Variants in SCFD2 observed in about 807,000 individuals in gnomAD.
SCFD2 encodes sec1 family domain containing 2, also known as sec1 family domain-containing protein 2.
SCFD2 carries 54 observed loss-of-function variants against 58.9 expected under a neutral mutation model. The observed-to-expected ratio is 0.92, with a 90% CI of 0.74 to 1.15. The LOEUF (loss-of-function observed/expected upper bound fraction) is 1.15. SCFD2 is among the 50% of genes most tolerant of loss of function. The probability of loss-of-function intolerance (pLI) is 0.00; values close to 1 mark genes in which losing one functional copy is unlikely to be tolerated. For missense variants in SCFD2, 805 were observed against 836.6 expected, an observed-to-expected ratio of 0.96 and a Z score of 0.47; for synonymous variants, 321 against 335.9, an observed-to-expected ratio of 0.96 and a Z score of 0.49.
In SCFD2 at chr4:52,920,879, A is replaced by C. The variant is rs1418912476; in HGVS notation, c.1562-9T>G. The stretch of plus-strand genomic sequence containing the variant: ...AATTGAAGAGTCCCAGTCTGAAAAA[A>C]TCCAGAGATATTTTCTTGAGTGAGT... On this transcript the variant is annotated splice_polypyrimidine_tract_variant and intron_variant, in intron 5 of 8. Coordinates refer to ENST00000401642, the MANE Select transcript of SCFD2 (RefSeq NM_152540.4). 1 of 1,588,470 alleles carries C rather than the reference A, an allele frequency of 6.3e-7. No homozygotes were observed. Among genetic ancestry groups the C allele is most frequent in the Non-Finnish European group, 8.6e-7 (1 of 1,167,096 alleles).
intron 2 of SCFD2, among the ~76,000 whole-genome samples, chr4:53,330,160 G>C (rs1733387484): frequency 6.6e-6 from 1 of 152,150 alleles, no homozygotes; most frequent in Admixed American, 6.5e-5. Flanking sequence ...AACCAAGTTG[G>C]AAAACACGCT....
At chr4:53,090,086 G>C (rs913443345) in intron 5 of SCFD2, among the ~76,000 whole-genome samples, 1 of 152,194 alleles carries the variant, frequency 6.6e-6, no homozygotes, top group African/African-American at 2.4e-5. Flanking sequence ...ACAAGCTGGA[G>C]AAGCTTTTGA....
intron 5 of SCFD2, among the ~76,000 whole-genome samples, chr4:53,130,180 T>C (rs1209349413): frequency 6.6e-6 from 1 of 152,156 alleles, no homozygotes; most frequent in African/African-American, 2.4e-5. Flanking sequence ...AAAAATCCAA[T>C]TATAAATAAT....
At chr4:53,240,972 G>C (rs1300333590) in intron 4 of SCFD2, among the ~76,000 whole-genome samples, 1 of 152,234 alleles carries the variant, frequency 6.6e-6, no homozygotes, top group African/African-American at 2.4e-5. Flanking sequence ...CAGATCTTCA[G>C]AGGGAAGGCA....
At chr4:53,251,041 C>A (rs553443101) in intron 4 of SCFD2, among the ~76,000 whole-genome samples, 1 of 152,082 alleles carries the variant, frequency 6.6e-6, no homozygotes, top group African/African-American at 2.4e-5. Context: ...TAAAAAATGA[C>A]AATGGGGATA....
intron 4 of SCFD2, among the ~76,000 whole-genome samples, chr4:53,185,215 C>T (rs978917856): frequency 6.6e-6 from 1 of 152,000 alleles, no homozygotes; most frequent in African/African-American, 2.4e-5. Flanking sequence ...AACTGTATAG[C>T]AACCATAATC....
At chr4:53,109,075 C>A (rs1331945270) in intron 5 of SCFD2, among the ~76,000 whole-genome samples, 1 of 152,032 alleles carries the variant, frequency 6.6e-6, no homozygotes, top group Non-Finnish European at 1.5e-5. Flanking sequence ...TGCAAATCAA[C>A]AAATGTAATC....
intron 5 of SCFD2, among the ~76,000 whole-genome samples, chr4:53,050,258 A>C (rs1723153867): frequency 6.6e-6 from 1 of 152,196 alleles, no homozygotes; most frequent in African/African-American, 2.4e-5. Flanking sequence ...ATGGTGGACA[A>C]ATGAGGTGTT....
At chr4:53,211,628 T>C (rs1233897393) in intron 4 of SCFD2, among the ~76,000 whole-genome samples, 3 of 152,058 alleles carry the variant, frequency 2.0e-5, no homozygotes, top group African/African-American at 7.3e-5. Context: ...GGGTAGATAG[T>C]GTTGGCACCA....
intron 5 of SCFD2, among the ~76,000 whole-genome samples, chr4:52,971,504 T>A (rs1721100185): frequency 6.6e-6 from 1 of 152,042 alleles, no homozygotes; most frequent in African/African-American, 2.4e-5. Context: ...CTCCAAGAAA[T>A]ATGGGACTAT....
chr4:52,990,369 A>G (rs1721590438), intron 5 of SCFD2, among the ~76,000 whole-genome samples: 1 of 152,198 alleles, frequency 6.6e-6, no homozygotes, highest in Non-Finnish European at 1.5e-5. Context: ...ATTGCTAGAA[A>G]TTTACAATGT....
At chr4:53,124,738 A>G (rs1725576142) in intron 5 of SCFD2, among the ~76,000 whole-genome samples, 1 of 152,192 alleles carries the variant, frequency 6.6e-6, no homozygotes, top group African/African-American at 2.4e-5. Context: ...CATTGAGTTT[A>G]AACCAAATCA....
intron 1 of SCFD2, among the ~76,000 whole-genome samples, chr4:53,360,114 C>T (rs955565921): frequency 6.6e-6 from 1 of 152,164 alleles, no homozygotes; most frequent in African/African-American, 2.4e-5. Flanking sequence ...AGAAGTACTT[C>T]AACATTTAAA....
chr4:53,334,196 T>C (rs1229820178), intron 2 of SCFD2, among the ~76,000 whole-genome samples: 1 of 150,556 alleles, frequency 6.6e-6, no homozygotes, highest in African/African-American at 2.4e-5. Context: ...AGTGTGGCGA[T>C]TCCTCAGGGA....
intron 4 of SCFD2, among the ~76,000 whole-genome samples, chr4:53,244,210 C>T (rs1400223790): frequency 3.2e-4 from 49 of 152,030 alleles, no homozygotes; most frequent in Admixed American, 3.2e-3. Flanking sequence ...ATATTCAGGA[C>T]CTGAACTCAA....
chr4:53,325,444 G>A (rs1015788973), intron 2 of SCFD2, among the ~76,000 whole-genome samples: 1 of 151,708 alleles, frequency 6.6e-6, no homozygotes, highest in Non-Finnish European at 1.5e-5. Context: ...AGATGAAGGA[G>A]TAAAAAATAG....
intron 4 of SCFD2, among the ~76,000 whole-genome samples, chr4:53,230,906 A>G (rs1258885899): frequency 6.6e-6 from 1 of 152,156 alleles, no homozygotes; most frequent in African/African-American, 2.4e-5. Context: ...AGAACTATAC[A>G]TACATCAAAC....
chr4:53,096,497 T>C (rs1205985562), intron 5 of SCFD2, among the ~76,000 whole-genome samples: 1 of 152,216 alleles, frequency 6.6e-6, no homozygotes, highest in East Asian at 1.9e-4. Flanking sequence ...CATGTGTCTG[T>C]TGGCTGCATA....
rs365621 is a variant in SCFD2 at position 52,962,673 on chromosome 4, A to C, written c.1562-41803T>G. On this transcript the variant is annotated intron_variant, in intron 5 of 8. Coordinates refer to ENST00000401642, the MANE Select transcript of SCFD2 (RefSeq NM_152540.4). ...TAATGCTATGATGAAAATAGTTTAG[A>C]GGGGGGCAGCATTACTGAAACAGGC... 1.5e-4 allele frequency among the ~76,000 whole-genome samples: 23 copies of C among 151,376 alleles called. No individual in the cohort carries two copies. The East Asian group carries it at 2.9e-3, about 19-fold the overall frequency.
Sources: gnomAD v4.1 joint callset for allele counts (sites outside exome capture counted in the v4.1 genomes callset) on GRCh38, gnomAD v4.1.1 for gene constraint, MANE v1.5 for transcripts, NCBI Gene and HGNC (gene_info 2026-07-23, HGNC 2026-07-21) for gene names.